C11orf16: variants seen among roughly 807,000 people sequenced by gnomAD.
C11orf16 encodes the protein chromosome 11 open reading frame 16.
A neutral mutation model predicts 45.1 loss-of-function variants in C11orf16; 38 were observed. The ratio of observed to expected loss-of-function variants is 0.84; its 90% CI spans 0.65 to 1.10. The LOEUF (loss-of-function observed/expected upper bound fraction) is 1.10, where lower values mean the gene tolerates loss of function less well. C11orf16 is among the 50% of genes least tolerant of loss of function. The pLI is 0.00. For missense variants in C11orf16, 583 were observed against 569.5 expected, an observed-to-expected ratio of 1.02 and a Z score of -0.24; for synonymous variants, 221 against 222.0, an observed-to-expected ratio of 1.00 and a Z score of 0.04.
In C11orf16 at chr11:8,932,326, C is replaced by T. The variant is rs1363162838; in HGVS notation, c.-18G>A. 2.5e-6 allele frequency: 4 copies of T among 1,575,060 alleles called. No homozygotes were observed. Among genetic ancestry groups the T allele is most frequent in the Non-Finnish European group, 3.4e-6 (4 of 1,162,282 alleles). On this transcript the variant is annotated splice_region_variant and 5_prime_UTR_variant, in exon 2 of 7. The change creates a new upstream start codon in the 5' untranslated region. Coordinates refer to ENST00000326053, the MANE Select transcript of C11orf16 (RefSeq NM_020643.3). ...GATTCCATGGCCTTCAGAGGATCCA[C>T]CTGAGAATAGGCACCACCATTACCT...
At chr11:8,927,571 TGTGTCCAAGACCAACCAGGGA>T (rs1401264347) in intron 3 of C11orf16, 29 of 457,754 alleles carry the variant, frequency 6.3e-5, no homozygotes, top group Non-Finnish European at 1.1e-4. Flanking sequence ...GCGTCGCTCC[TGTGTCCAAGACCAACCAGGGA>T]TGTGTCCAAG....
rs2064653530 is a variant in C11orf16, at chr11:8,932,129, C to T, written c.167+13G>A. ...AGGGCATCCACTTCCCCCAGAGGGG[C>T]AGAGACAGGTACCTTGCAAGGGGCT... On this transcript the variant is annotated intron_variant, in intron 2 of 6. Transcript: ENST00000326053. 6.4e-7 allele frequency: 1 copy of T among 1,563,370 alleles called. No homozygotes were observed. Among genetic ancestry groups the T allele is most frequent in the Admixed American group, 2.0e-5 (1 of 50,138 alleles).
At chr11:8,926,916 A>G in intron 4 of C11orf16, 24 bp downstream of exon 4, 1 of 1,595,000 alleles carries the variant, frequency 6.3e-7, no homozygotes, top group African/African-American at 1.3e-5. Context: ...CTGGGCACTG[A>G]TGGGTCAGAG....
In C11orf16 at chr11:8,921,377, G is replaced by C; in HGVS notation, c.1343C>G (p.Ala448Gly). 6.2e-7 allele frequency: 1 copy of C among 1,614,196 alleles called. No homozygotes were observed. The highest frequency in any genetic ancestry group is 8.5e-7 in the Non-Finnish European group (1 of 1,180,036). ...MKPPRTPPGEAEHRKRSQSLA... is the reference protein window; with the variant it reads ...MKPPRTPPGEGEHRKRSQSLA... Reference sequence around the variant, plus strand: ...GCTCTGACTCCGCTTTCTGTGTTCAGCTTCCCCTGGCGGGGTCCGCGGTGG... The same window carrying C: ...GCTCTGACTCCGCTTTCTGTGTTCACCTTCCCCTGGCGGGGTCCGCGGTGG... Residue 448 changes from alanine to glycine, a missense_variant, in exon 6 of 7, where the codon GCT (alanine) becomes GGT (glycine). By Grantham distance (60) the Ala-to-Gly change is moderately conservative. Transcript: ENST00000326053.
chr11:8,922,328 G>T (rs565879642), intron 5 of C11orf16, among the ~76,000 whole-genome samples: 3 of 152,048 alleles, frequency 2.0e-5, no homozygotes, highest in Admixed American at 2.0e-4. Flanking sequence ...AGCTATGATC[G>T]TGCCACTGCC....
At chr11:8,930,159 T>C (rs2064640485) in intron 2 of C11orf16, among the ~76,000 whole-genome samples, 1 of 151,684 alleles carries the variant, frequency 6.6e-6, no homozygotes, top group African/African-American at 2.4e-5. Flanking sequence ...CCGGGAGCAG[T>C]GGCTCACACC....
intron 5 of C11orf16, 61 bp from the exon 6 acceptor site, chr11:8,921,576 A>C (rs897938011): frequency 7.0e-7 from 1 of 1,427,762 alleles, no homozygotes; most frequent in African/African-American, 1.4e-5. Flanking sequence ...CATAAGTAGA[A>C]CTAAAACAAG....
chr11:8,932,463 A>G (rs2134841656), intron 1 of C11orf16, 137 bp from the exon 2 acceptor site: 1 of 604,324 alleles, frequency 1.7e-6, no homozygotes, highest in East Asian at 2.9e-5. Context: ...TGCTCCCACA[A>G]ACTCTCACAG....
At chr11:8,921,566 C>G (rs7949740) in intron 5 of C11orf16, 51 bp from the exon 6 acceptor site, 53,742 of 1,495,126 alleles carry the variant, frequency 0.036, 1,363 homozygotes, top group African/African-American at 0.11. Context: ...ATTTTGATGG[C>G]ATAAGTAGAA....
At chr11:8,927,968 C>T (rs1292479648) in intron 3 of C11orf16, among the ~76,000 whole-genome samples, 2 of 152,060 alleles carry the variant, frequency 1.3e-5, no homozygotes, top group Admixed American at 6.5e-5. Flanking sequence ...AGTGCAATGG[C>T]GTGATCTTGG....
At chr11:8,929,631 C>T (rs1201573485) in intron 2 of C11orf16, 98 bp from the exon 3 acceptor site, 8 of 1,129,704 alleles carry the variant, frequency 7.1e-6, no homozygotes, top group Admixed American at 2.8e-5. Context: ...CACCACAGCA[C>T]ATGAGGCATG....
In C11orf16 at chr11:8,925,762, A is replaced by G; in HGVS notation, c.905T>C (p.Met302Thr). 3 of 1,614,268 alleles carry G rather than the reference A, an allele frequency of 1.9e-6. No individual in the cohort carries two copies. The highest frequency in any genetic ancestry group is 2.5e-6 in the Non-Finnish European group (3 of 1,180,050). Residue 302 changes from methionine (M) to threonine (T), a missense_variant, in exon 5 of 7, where the codon ATG becomes ACG. Met to Thr is a moderately conservative substitution (Grantham distance 81). Transcript: ENST00000326053. ...WWPLTRTSEVMARELPELEPT... is the reference protein window; with the variant it reads ...WWPLTRTSEVTARELPELEPT... Reference sequence around the variant, plus strand: ...CTCCAACTCTGGAAGTTCTCTGGCCATGACTTCTGAGGTCCTGGTTAGAGG... The same window carrying G: ...CTCCAACTCTGGAAGTTCTCTGGCCGTGACTTCTGAGGTCCTGGTTAGAGG...
Position 8,921,963 on chromosome 11 carries a change from A to G in C11orf16, c.1205-448T>C, listed in dbSNP as rs559215385. Among the ~76,000 whole-genome samples, 36 of 152,304 alleles carry G rather than the reference A, an allele frequency of 2.4e-4. No homozygotes were observed. The South Asian group carries it at 5.2e-3, about 22-fold the overall frequency. ...GCCTGTTTTCTTTTGCCATCATGCA[A>G]TGTGTCCATGTAATGTTTTCTATTT... is the stretch of plus-strand genomic sequence containing the variant. On this transcript the variant is annotated intron_variant, in intron 5 of 6. Coordinates refer to ENST00000326053, the MANE Select transcript of C11orf16 (RefSeq NM_020643.3).
intron 2 of C11orf16, among the ~76,000 whole-genome samples, chr11:8,930,200 G>A (rs2064640768): frequency 6.6e-6 from 1 of 151,962 alleles, no homozygotes; most frequent in South Asian, 2.1e-4. Context: ...AGGCCGAGAT[G>A]GGCGGATCAC....
chr11:8,930,374 C>T (rs1464554458), intron 2 of C11orf16, among the ~76,000 whole-genome samples: 1 of 137,528 alleles, frequency 7.3e-6, no homozygotes, highest in African/African-American at 2.8e-5. Flanking sequence ...TGCAGTGAGC[C>T]AAGATTGCGC....
chr11:8,926,070 A>G lies in C11orf16; in HGVS notation c.597T>C (p.Asn199=). Residue 199 remains asparagine, a synonymous_variant, in exon 5 of 7, where the codon AAT becomes AAC. Transcript: ENST00000326053. ...CTAGGGGCACTTTAGCAGCTTTGCC[A>G]TTCCAGAAATGAACAGTGATTTCTT... is the stretch of plus-strand genomic sequence containing the variant. The part of the protein sequence containing the change: ...KEKEITVHFW[N]GKAAKVPLGG... 1 of 1,611,150 alleles carries G rather than the reference A, an allele frequency of 6.2e-7. No homozygotes were observed. Among genetic ancestry groups the G allele is most frequent in the Non-Finnish European group, 8.5e-7 (1 of 1,178,014 alleles).
intron 1 of C11orf16, among the ~76,000 whole-genome samples, 198 bp downstream of exon 1, chr11:8,932,703 C>T (rs1231530185): frequency 6.6e-6 from 1 of 152,170 alleles, no homozygotes; most frequent in Non-Finnish European, 1.5e-5. Flanking sequence ...CCTCCTTCCT[C>T]CTCCCCGGCC....
chr11:8,921,222 G>T, intron 6 of C11orf16, 72 bp downstream of exon 6: 1 of 1,170,454 alleles, frequency 8.5e-7, no homozygotes, highest in Non-Finnish European at 1.2e-6. Flanking sequence ...TCTCAAAGGG[G>T]ATGTGACCCA....
At chr11:8,930,614 C>G (rs1156453321) in intron 2 of C11orf16, among the ~76,000 whole-genome samples, 1 of 151,976 alleles carries the variant, frequency 6.6e-6, no homozygotes, top group Non-Finnish European at 1.5e-5. Flanking sequence ...AGCTAAGGGG[C>G]TGTGGGACAG....
Sources: gnomAD v4.1 joint callset for allele counts (sites outside exome capture counted in the v4.1 genomes callset) on GRCh38, gnomAD v4.1.1 for gene constraint, MANE v1.5 for transcripts, NCBI Gene and HGNC (gene_info 2026-07-23, HGNC 2026-07-21) for gene names.